GCKR: variants seen among roughly 807,000 people sequenced by gnomAD.
GCKR encodes the protein glucokinase regulatory protein.
Under a neutral mutation model 82.9 loss-of-function variants are expected in GCKR, and 73 were observed. That is an observed-to-expected ratio of 0.88 (90% CI 0.73 to 1.07). The LOEUF is 1.07. Among genes scored for constraint, GCKR ranks in the 50% least tolerant of loss-of-function variants. The pLI, the probability that GCKR is intolerant of heterozygous loss-of-function variation, is 0.00. For missense variants in GCKR, 784 were observed against 782.1 expected, an observed-to-expected ratio of 1.00 and a Z score of -0.03; for synonymous variants, 294 against 291.8, an observed-to-expected ratio of 1.01 and a Z score of -0.08.
chr2:27,497,182 G>A, intron 1 of GCKR, 62 bp from the exon 2 acceptor site: 1 of 1,590,398 alleles, frequency 6.3e-7, no homozygotes, highest in Non-Finnish European at 8.6e-7. Flanking sequence ...CCCACCTCCA[G>A]CTCAGCAGGC....
intron 17 of GCKR, among the ~76,000 whole-genome samples, chr2:27,520,525 G>A (rs1051128649): frequency 3.3e-5 from 5 of 152,318 alleles, no homozygotes; most frequent in African/African-American, 9.6e-5. Flanking sequence ...GCAGGAATTT[G>A]GACTTTGCCA....
At chr2:27,515,760 TA>T (rs1669987718) in intron 16 of GCKR, among the ~76,000 whole-genome samples, 18 of 128,006 alleles carry the variant, frequency 1.4e-4, no homozygotes, top group Middle Eastern at 7.4e-3. Flanking sequence ...TATATATATA[TA>T]TATATTTTTT....
chr2:27,507,854 G>T, intron 14 of GCKR, 77 bp downstream of exon 14: 2 of 1,155,328 alleles, frequency 1.7e-6, no homozygotes, highest in Non-Finnish European at 2.6e-6. Context: ...GTTTTTCTGG[G>T]TCTTAGGGTA....
rs913234842 is a variant in GCKR, at chr2:27,497,590, C to T, written c.245C>T (p.Thr82Ile). Residue 82 changes from threonine to isoleucine, a missense_variant, in exon 3 of 19, where the codon ACC becomes ATC. By Grantham distance (89) the Thr-to-Ile change is moderately conservative. Transcript: ENST00000264717. Reference protein sequence around the residue: ...QRLYSESILTTMVQVAGKVQE... With the variant: ...QRLYSESILTIMVQVAGKVQE... ...CTCTACAGCGAATCCATTCTGACCA[C>T]CATGGTACAGGTGGCTGGGAAAGTT... 3 of 1,612,960 alleles carry T rather than the reference C, an allele frequency of 1.9e-6. No individual in the cohort carries two copies. The highest frequency in any genetic ancestry group is 2.5e-6 in the Non-Finnish European group (3 of 1,179,018).
At position 27,499,213 on chromosome 2, in the gene GCKR, G is replaced by A; in HGVS notation, c.495+5G>A. The stretch of plus-strand genomic sequence containing the variant: ...GGGATTGAGGAACTGAAGAAGGTCT[G>A]TGCTTTTCACTGACATTGACCAGAG... On this transcript the variant is annotated splice_donor_5th_base_variant and intron_variant, in intron 6 of 18. Transcript: ENST00000264717. 5 of 1,601,730 alleles carry A rather than the reference G, an allele frequency of 3.1e-6. No homozygotes were observed. Among genetic ancestry groups the A allele is most frequent in the Non-Finnish European group, 4.3e-6 (5 of 1,169,004 alleles).
In GCKR at chr2:27,506,806, C is replaced by CGTGTACCT. The variant is rs752974451; in HGVS notation, c.989_996dup (p.Val333CysfsTer18). ...TTCTCAGTCTGGAGAAGAAAGGCCACGTGTACCTGGTTGGCTGGCAGACCC... is the reference window on the plus strand; with the variant it reads ...TTCTCAGTCTGGAGAAGAAAGGCCACGTGTACCTGTGTACCTGGTTGGCTGGCAGACCC... On this transcript the variant is annotated frameshift_variant, in exon 12 of 19. Coordinates refer to ENST00000264717, the MANE Select transcript of GCKR (RefSeq NM_001486.4). LOFTEE classifies it high-confidence loss of function. 1 of 1,611,874 alleles carries CGTGTACCT rather than the reference C, an allele frequency of 6.2e-7. No homozygotes were observed. The highest frequency in any genetic ancestry group is 1.3e-5 in the African/African-American group (1 of 74,868).
At chr2:27,497,020 T>G in intron 1 of GCKR, 56 bp downstream of exon 1, 1 of 1,439,728 alleles carries the variant, frequency 6.9e-7, no homozygotes, top group Non-Finnish European at 9.8e-7. Context: ...TTATTTTTCA[T>G]CCAGTCTTCC....
At chr2:27,513,901 A>G (rs978074725) in intron 16 of GCKR, among the ~76,000 whole-genome samples, 1 of 142,508 alleles carries the variant, frequency 7.0e-6, no homozygotes, top group Non-Finnish European at 1.5e-5. Context: ...ATTACTTATT[A>G]TTTGCATTTG....
chr2:27,512,836 C>G (rs946512682), intron 16 of GCKR, among the ~76,000 whole-genome samples: 2 of 152,130 alleles, frequency 1.3e-5, no homozygotes, highest in South Asian at 2.1e-4. Context: ...TGTTCTTTAT[C>G]TCTTTGATGA....
intron 16 of GCKR, among the ~76,000 whole-genome samples, chr2:27,514,989 GT>G (rs1032188812): frequency 6.6e-5 from 10 of 151,928 alleles, no homozygotes; most frequent in Non-Finnish European, 1.3e-4. Flanking sequence ...TATTATTATT[GT>G]TTTTTGAGAT....
At chr2:27,504,186 G>A (rs551889465) in intron 9 of GCKR, among the ~76,000 whole-genome samples, 77 of 152,260 alleles carry the variant, frequency 5.1e-4, no homozygotes, top group South Asian at 1.7e-3. Context: ...TACCAGTGGT[G>A]GGCACACCAT....
intron 7 of GCKR, among the ~76,000 whole-genome samples, chr2:27,500,113 G>A (rs1048794211): frequency 6.8e-5 from 10 of 146,076 alleles, no homozygotes; most frequent in Non-Finnish European, 1.4e-4. Flanking sequence ...TGTTGTTTTT[G>A]AGAGTCTCCC....
At chr2:27,509,466 A>G in intron 16 of GCKR, 1 of 387,056 alleles carries the variant, frequency 2.6e-6, no homozygotes, top group Non-Finnish European at 5.5e-6. Flanking sequence ...CAGCTTCTCA[A>G]GTAGGTAGGA....
intron 7 of GCKR, among the ~76,000 whole-genome samples, 153 bp downstream of exon 7, chr2:27,499,603 T>A (rs1669524266): frequency 6.6e-6 from 1 of 152,168 alleles, no homozygotes; most frequent in Non-Finnish European, 1.5e-5. Context: ...TTGGATCAAG[T>A]TGTGTGAATG....
Position 27,501,180 on chromosome 2 carries a change from G to A in GCKR, c.595G>A (p.Ala199Thr), listed in dbSNP as rs1669566825. Residue 199 changes from alanine to threonine, a missense_variant, in exon 8 of 19, where the codon GCT becomes ACT. Coordinates refer to ENST00000264717, the MANE Select transcript of GCKR (RefSeq NM_001486.4). ...GQMDCCMNNT[A>T]VFLPVLVGFN... ...GATGGACTGCTGCATGAACAACACA[G>A]CTGTCTTCTTGCCAGTCCTGGTTGG... 6.2e-7 allele frequency: 1 copy of A among 1,613,986 alleles called. No homozygotes were observed. Among genetic ancestry groups the A allele is most frequent in the Admixed American group, 1.7e-5 (1 of 60,012 alleles).
chr2:27,503,665 G>A (rs775362945), intron 9 of GCKR, 46 bp downstream of exon 9: 15 of 965,926 alleles, frequency 1.6e-5, no homozygotes, highest in Non-Finnish European at 1.7e-6. Flanking sequence ...CCAACACCTG[G>A]GAACTGCTTG....
chr2:27,512,534 CAAA>C (rs112331095), intron 16 of GCKR, among the ~76,000 whole-genome samples: 3 of 92,100 alleles, frequency 3.3e-5, no homozygotes, highest in South Asian at 3.6e-4. Flanking sequence ...GACTCCATCT[CAAA>C]AAAAAAAAAA....
In GCKR at chr2:27,518,851, C is replaced by T. The variant is rs757074607; in HGVS notation, c.1486C>T (p.Leu496Phe). The change falls in exon 17 of 19, where the codon CTT becomes TTT. Residue 496 changes from leucine to phenylalanine, a missense_variant. Coordinates refer to ENST00000264717, the MANE Select transcript of GCKR (RefSeq NM_001486.4). Reference sequence around the variant, plus strand: ...TACAGTGAGTACAGGTGCTCATGTGCTTCTTGGTAAGATCCTACAAAACCA... The same window carrying T: ...TACAGTGAGTACAGGTGCTCATGTGTTTCTTGGTAAGATCCTACAAAACCA... Reference protein sequence around the residue: ...LNTVSTGAHVLLGKILQNHML... With the variant: ...LNTVSTGAHVFLGKILQNHML... The T allele has an allele frequency of 5.6e-6, 9 of 1,612,334 alleles. No homozygotes were observed. Among genetic ancestry groups the T allele is most frequent in the Non-Finnish European group, 7.6e-6 (9 of 1,178,520 alleles).
chr2:27,511,800 G>A (rs1669890030), intron 16 of GCKR, among the ~76,000 whole-genome samples: 1 of 152,010 alleles, frequency 6.6e-6, no homozygotes, highest in African/African-American at 2.4e-5. Context: ...AAGTGACAGT[G>A]GATACACTTT....
Sources: allele counts gnomAD v4.1 joint callset (sites outside exome capture counted in the v4.1 genomes callset), GRCh38; gene constraint gnomAD v4.1.1; transcripts MANE v1.5; gene names NCBI Gene and HGNC (gene_info 2026-07-23, HGNC 2026-07-21).